UBE2E1: variants seen among roughly 807,000 people sequenced by gnomAD.
UBE2E1 encodes the protein ubiquitin-conjugating enzyme E2 E1.
A neutral mutation model predicts 21.4 loss-of-function variants in UBE2E1; 6 were observed. The observed-to-expected ratio is 0.28, with a 90% CI of 0.15 to 0.55. The LOEUF (loss-of-function observed/expected upper bound fraction) is 0.55. Among genes scored for constraint, UBE2E1 ranks in the 20% least tolerant of loss-of-function variants. The pLI, the probability that UBE2E1 is intolerant of heterozygous loss-of-function variation, is 0.93. For synonymous variants in UBE2E1, 87 were observed against 82.7 expected (o/e 1.05, Z -0.28); for missense variants, 142 against 236.5 (o/e 0.60, Z 2.62).
intron 3 of UBE2E1, among the ~76,000 whole-genome samples, chr3:23,844,950 T>G (rs1700166161): frequency 6.6e-6 from 1 of 152,124 alleles, no homozygotes; most frequent in Admixed American, 6.5e-5. Context: ...ATATAATATA[T>G]AATTTATGGC....
At chr3:23,831,533 T>TTC (rs1553636717) in intron 3 of UBE2E1, among the ~76,000 whole-genome samples, 10 of 150,956 alleles carry the variant, frequency 6.6e-5, no homozygotes, top group South Asian at 6.3e-4. Flanking sequence ...TTTTTTTTTT[T>TTC]CGAGACATGG....
In UBE2E1 at chr3:23,842,250, G is replaced by GGGGT. The variant is rs79440666; in HGVS notation, c.203+30740_203+30741insGGGT. On this transcript the variant is annotated intron_variant, in intron 3 of 5. Coordinates refer to ENST00000306627, the MANE Select transcript of UBE2E1 (RefSeq NM_003341.5). This position sits in a 1 kb window ranked among gnomAD's most constrained non-coding sequence, Gnocchi z 4.6. The stretch of plus-strand genomic sequence containing the variant: ...GTGTGTGTGTGTGTGTGTGTGTGTG[G>GGGGT]TGTTGTTGTTGTTGGCGACAGGGTC... 1.2e-5 allele frequency among the ~76,000 whole-genome samples: 1 copy of GGGGT among 86,290 alleles called. No homozygotes were observed. Among genetic ancestry groups the GGGGT allele is most frequent in the African/African-American group, 4.6e-5 (1 of 21,642 alleles). 56.6% of individuals were successfully genotyped at this position (86,290 alleles called of 152,430 possible). A position where few individuals can be genotyped will look rare whatever the true frequency, so the allele number is the denominator to read the frequency against.
At chr3:23,865,261 C>T (rs558435432) in intron 3 of UBE2E1, among the ~76,000 whole-genome samples, 3 of 152,264 alleles carry the variant, frequency 2.0e-5, no homozygotes, top group Non-Finnish European at 2.9e-5. Flanking sequence ...TCCTAGAGGC[C>T]GCTCATAGTT....
At chr3:23,879,886 T>C (rs570628679) in intron 3 of UBE2E1, among the ~76,000 whole-genome samples, 1 of 152,374 alleles carries the variant, frequency 6.6e-6, no homozygotes, top group Admixed American at 6.5e-5. Flanking sequence ...TTTATGTGTT[T>C]GTAGGCAAGG....
chr3:23,862,905 T>C (rs1284034106), intron 3 of UBE2E1, among the ~76,000 whole-genome samples: 1 of 152,150 alleles, frequency 6.6e-6, no homozygotes, highest in African/African-American at 2.4e-5. Context: ...TTTAAATTTT[T>C]TGTAGAGACA....
chr3:23,850,089 T>C (rs1292116457), intron 3 of UBE2E1, among the ~76,000 whole-genome samples: 1 of 152,230 alleles, frequency 6.6e-6, no homozygotes, highest in East Asian at 1.9e-4. Context: ...GAAAAATGTC[T>C]TTTAGATATT....
At chr3:23,848,707 T>G (rs1700261388) in intron 3 of UBE2E1, among the ~76,000 whole-genome samples, 1 of 152,144 alleles carries the variant, frequency 6.6e-6, no homozygotes, top group Admixed American at 6.5e-5. Flanking sequence ...TGGGGAAAAC[T>G]TCATAGAAGA....
At chr3:23,841,615 A>G (rs1049739600) in intron 3 of UBE2E1, among the ~76,000 whole-genome samples, 8 of 152,262 alleles carry the variant, frequency 5.3e-5, no homozygotes, top group African/African-American at 1.7e-4. Context: ...GGGAGAAAAT[A>G]TAAATATCAT....
chr3:23,850,512 T>TTTTTA (rs1553638350), intron 3 of UBE2E1, among the ~76,000 whole-genome samples: 5 of 10,784 alleles, frequency 4.6e-4, no homozygotes, highest in African/African-American at 2.6e-3. Flanking sequence ...TCTACTCCTC[T>TTTTTA]TTATTATTAT....
Position 23,811,337 on chromosome 3 carries a change from C to T in UBE2E1, c.153-123C>T. 4 of 890,598 alleles carry T rather than the reference C, an allele frequency of 4.5e-6. No individual in the cohort carries two copies. The Admixed American group carries it at 6.4e-5, about 14-fold the overall frequency. 55.2% of individuals were successfully genotyped at this position (890,598 alleles called of 1,614,324 possible). On this transcript the variant is annotated intron_variant, in intron 2 of 5. Transcript: ENST00000306627. ...ACCTGAAGTTCTTGATGTGTAGTTC[C>T]TCTTTGCCCAGTAGAATCCAGTGAT... is the stretch of plus-strand genomic sequence containing the variant.
At chr3:23,833,632 T>C (rs969976220) in intron 3 of UBE2E1, among the ~76,000 whole-genome samples, 6 of 152,230 alleles carry the variant, frequency 3.9e-5, no homozygotes, top group Admixed American at 1.3e-4. Context: ...TTTCTTATAT[T>C]TTACAGCAAA....
chr3:23,807,169 A>G (rs1699297297), intron 1 of UBE2E1, 68 bp from the exon 2 acceptor site: 1 of 1,369,386 alleles, frequency 7.3e-7, no homozygotes, highest in Non-Finnish European at 9.7e-7. Context: ...TCCTGACAGC[A>G]CCCGAGTTCC....
At chr3:23,829,548 T>C (rs1181393239) in intron 3 of UBE2E1, among the ~76,000 whole-genome samples, 2 of 152,090 alleles carry the variant, frequency 1.3e-5, no homozygotes, top group East Asian at 3.9e-4. Flanking sequence ...GCAGTCCTTC[T>C]GCCTCAACCT....
chr3:23,812,749 CATT>C (rs1699427765), intron 3 of UBE2E1, among the ~76,000 whole-genome samples: 1 of 152,086 alleles, frequency 6.6e-6, no homozygotes, highest in African/African-American at 2.4e-5. Flanking sequence ...AGGCCTAACT[CATT>C]ATTTTGATGG....
At position 23,808,500 on chromosome 3, in the gene UBE2E1, A is replaced by T. The variant is rs943526940; in HGVS notation, c.152+1079A>T. Among the ~76,000 whole-genome samples the T allele has an allele frequency of 5.3e-5, 8 of 152,212 alleles. No individual in the cohort carries two copies. Among genetic ancestry groups the T allele is most frequent in the African/African-American group, 1.9e-4 (8 of 41,454 alleles). On this transcript the variant is annotated intron_variant, in intron 2 of 5. Coordinates refer to ENST00000306627, the MANE Select transcript of UBE2E1 (RefSeq NM_003341.5). This position sits in a 1 kb window ranked among gnomAD's most constrained non-coding sequence, Gnocchi z 4.9. ...AATAAAGTAGAACATGAGACTTTAGATCTCTCCACTGAGTAGTGAGCCTGG... is the reference window on the plus strand; with the variant it reads ...AATAAAGTAGAACATGAGACTTTAGTTCTCTCCACTGAGTAGTGAGCCTGG...
chr3:23,839,825 G>A (rs1439348537), intron 3 of UBE2E1, among the ~76,000 whole-genome samples: 1 of 152,056 alleles, frequency 6.6e-6, no homozygotes, highest in African/African-American at 2.4e-5. Flanking sequence ...TCCATATAAT[G>A]TGTCATCTTT....
In UBE2E1 at chr3:23,810,069, C is replaced by T. The variant is rs114112213; in HGVS notation, c.153-1391C>T. On this transcript the variant is annotated intron_variant, in intron 2 of 5. Transcript: ENST00000306627. This position sits in a 1 kb window ranked among gnomAD's most constrained non-coding sequence, Gnocchi z 5.8. ...AACCTGTTCCTCATTACATATAGCT[C>T]GTCCGTCCTCCTACCCGCAGAAAAC... Among the ~76,000 whole-genome samples, 781 of 152,252 alleles carry T rather than the reference C, an allele frequency of 5.1e-3. 7 individuals carry two copies. Among genetic ancestry groups the T allele is most frequent in the African/African-American group, 0.018 (736 of 41,522 alleles).
At chr3:23,826,155 G>A (rs1270644812) in intron 3 of UBE2E1, among the ~76,000 whole-genome samples, 1 of 152,194 alleles carries the variant, frequency 6.6e-6, no homozygotes, top group African/African-American at 2.4e-5. Context: ...CAGTTTTACT[G>A]ACCTTTATGT....
chr3:23,881,599 C>G (rs1701042432), intron 3 of UBE2E1, among the ~76,000 whole-genome samples: 1 of 152,302 alleles, frequency 6.6e-6, no homozygotes, highest in South Asian at 2.1e-4. Flanking sequence ...TTACACAAAA[C>G]TGAGATGACC....
Sources: allele counts gnomAD v4.1 joint callset (sites outside exome capture counted in the v4.1 genomes callset), GRCh38; gene constraint gnomAD v4.1.1; non-coding constraint Gnocchi (gnomAD v3.1); transcripts MANE v1.5; gene names NCBI Gene and HGNC (gene_info 2026-07-23, HGNC 2026-07-21).